MFHAS1: variants seen among roughly 807,000 people sequenced by gnomAD.
MFHAS1 encodes the protein malignant fibrous histiocytoma-amplified sequence 1.
A neutral mutation model predicts 70.4 loss-of-function variants in MFHAS1; 50 were observed. The ratio of observed to expected loss-of-function variants is 0.71; its 90% CI spans 0.57 to 0.90. MFHAS1 has a LOEUF of 0.90. Ranked by LOEUF, MFHAS1 falls within the 40% of genes least tolerant of loss-of-function variation. The probability of loss-of-function intolerance (pLI) is 0.00; values close to 1 mark genes in which losing one functional copy is unlikely to be tolerated. For missense variants in MFHAS1, 1,795 were observed against 1,347.6 expected (o/e 1.33, Z -5.20); for synonymous variants, 952 against 620.0 (o/e 1.54, Z -7.96).
intron 1 of MFHAS1, among the ~76,000 whole-genome samples, chr8:8,883,510 C>G (rs746938029): frequency 6.6e-6 from 1 of 151,546 alleles, no homozygotes; most frequent in South Asian, 2.1e-4. Flanking sequence ...GAGTTCAAGA[C>G]GAGCCTGGCC....
At chr8:8,859,909 G>A (rs1189289752) in intron 1 of MFHAS1, 2 of 152,148 alleles carry the variant, frequency 1.3e-5, no homozygotes, top group Admixed American at 6.5e-5. Flanking sequence ...CTAATTTTAA[G>A]TGATATCTGG....
At chr8:8,858,514 T>C (rs1474113843) in intron 1 of MFHAS1, among the ~76,000 whole-genome samples, 1 of 152,172 alleles carries the variant, frequency 6.6e-6, no homozygotes, top group Admixed American at 6.5e-5. Context: ...AGACCTATGT[T>C]ACTGAAAACG....
intron 1 of MFHAS1, among the ~76,000 whole-genome samples, chr8:8,845,280 A>T (rs575105132): frequency 1.3e-5 from 2 of 152,350 alleles, no homozygotes; most frequent in South Asian, 4.1e-4. Context: ...AGACACTTAA[A>T]AACTTTTTTA....
At chr8:8,839,109 G>A (rs1216721213) in intron 1 of MFHAS1, among the ~76,000 whole-genome samples, 1 of 151,814 alleles carries the variant, frequency 6.6e-6, no homozygotes, top group Non-Finnish European at 1.5e-5. Context: ...TTTCCTGCAG[G>A]AACTATCTAT....
intron 1 of MFHAS1, among the ~76,000 whole-genome samples, chr8:8,811,571 C>A (rs1430281563): frequency 6.6e-6 from 1 of 152,218 alleles, no homozygotes; most frequent in African/African-American, 2.4e-5. Context: ...AGCCGCCATG[C>A]CTGGCCAAGG....
intron 1 of MFHAS1, among the ~76,000 whole-genome samples, chr8:8,836,872 C>T (rs1176359074): frequency 6.6e-6 from 1 of 152,182 alleles, no homozygotes; most frequent in Non-Finnish European, 1.5e-5. Flanking sequence ...AACCTTTCTT[C>T]TTTCCTCTTT....
chr8:8,851,071 T>C (rs537984985), intron 1 of MFHAS1, among the ~76,000 whole-genome samples: 5 of 152,188 alleles, frequency 3.3e-5, no homozygotes, highest in Non-Finnish European at 7.3e-5. Flanking sequence ...GTCACGTATA[T>C]AAGCGTGCCT....
At chr8:8,885,410 A>C (rs886162467) in intron 1 of MFHAS1, among the ~76,000 whole-genome samples, 3 of 152,200 alleles carry the variant, frequency 2.0e-5, no homozygotes, top group Non-Finnish European at 2.9e-5. Flanking sequence ...AAAACACAGT[A>C]TTCACTCATC....
intron 1 of MFHAS1, among the ~76,000 whole-genome samples, chr8:8,869,637 C>T (rs1808994763): frequency 6.6e-6 from 1 of 152,190 alleles, no homozygotes; most frequent in South Asian, 2.1e-4. Context: ...AAGCTAGCAG[C>T]CGTTCCACAT....
intron 1 of MFHAS1, among the ~76,000 whole-genome samples, chr8:8,831,316 A>T (rs7813355): frequency 0.25 from 37,246 of 151,918 alleles, 5,719 homozygotes; most frequent in Non-Finnish European, 0.36. Context: ...AGCAATGCCA[A>T]CTTTGAAAAA....
intron 1 of MFHAS1, among the ~76,000 whole-genome samples, chr8:8,876,971 G>C (rs981518092): frequency 1.3e-5 from 2 of 151,722 alleles, no homozygotes; most frequent in Non-Finnish European, 2.9e-5. Flanking sequence ...GTCATAGTGC[G>C]GTAAGTGGTG....
At chr8:8,820,676 G>C (rs902378625) in intron 1 of MFHAS1, among the ~76,000 whole-genome samples, 1 of 152,130 alleles carries the variant, frequency 6.6e-6, no homozygotes, top group Non-Finnish European at 1.5e-5. Flanking sequence ...TGGTCTTTCA[G>C]AGGCCCTCTC....
chr8:8,831,053 C>T (rs1005768055), intron 1 of MFHAS1, among the ~76,000 whole-genome samples: 1 of 151,920 alleles, frequency 6.6e-6, no homozygotes, highest in East Asian at 1.9e-4. Flanking sequence ...GATCAGGGTG[C>T]CTGCATGGTT....
intron 1 of MFHAS1, among the ~76,000 whole-genome samples, chr8:8,865,725 C>A (rs924086759): frequency 7.9e-5 from 12 of 152,218 alleles, no homozygotes; most frequent in Admixed American, 2.0e-4. Context: ...AACTGAGTTG[C>A]CACTATTAAA....
At chr8:8,842,925 T>C (rs1033374231) in intron 1 of MFHAS1, among the ~76,000 whole-genome samples, 1 of 152,202 alleles carries the variant, frequency 6.6e-6, no homozygotes, top group Non-Finnish European at 1.5e-5. Context: ...ATTAGCATGG[T>C]TTGAATTAAC....
At chr8:8,872,016 G>A (rs767095268) in intron 1 of MFHAS1, among the ~76,000 whole-genome samples, 28 of 152,132 alleles carry the variant, frequency 1.8e-4, no homozygotes, top group Non-Finnish European at 3.8e-4. Flanking sequence ...AATCAAAGGA[G>A]GGAGAAGGAA....
At chr8:8,844,221 C>T (rs1807944564) in intron 1 of MFHAS1, among the ~76,000 whole-genome samples, 1 of 152,164 alleles carries the variant, frequency 6.6e-6, no homozygotes, top group Non-Finnish European at 1.5e-5. Context: ...ACGTTGTCTC[C>T]AAAGGTCCTT....
Position 8,784,165 on chromosome 8 carries a change from T to G in MFHAS1, c.*1857A>C, listed in dbSNP as rs1031889201. 3.9e-5 allele frequency: 6 copies of G among 152,100 alleles called. No individual in the cohort carries two copies. The highest frequency in any genetic ancestry group is 1.4e-4 in the African/African-American group (6 of 41,390). The allele number at this position is 152,100 out of a possible 1,614,324, so 9.4% of individuals were successfully genotyped here. The stretch of plus-strand genomic sequence containing the variant: ...AAATAAGCCTTTTTCTAAAGACAGG[T>G]CAAAGTTGGTTAATTTAACAGTTGA... On this transcript the variant is annotated 3_prime_UTR_variant, in exon 3 of 3. Transcript: ENST00000276282.
intron 2 of MFHAS1, 98 bp from the exon 3 acceptor site, chr8:8,786,153 T>C (rs919246756): frequency 6.5e-5 from 75 of 1,147,916 alleles, no homozygotes; most frequent in Non-Finnish European, 9.0e-5. Context: ...AAATCTATTT[T>C]CTGCACATAT....
Sources: allele counts gnomAD v4.1 joint callset (sites outside exome capture counted in the v4.1 genomes callset), GRCh38; gene constraint gnomAD v4.1.1; transcripts MANE v1.5; gene names NCBI Gene and HGNC (gene_info 2026-07-23, HGNC 2026-07-21).